Variants in SPATA13 observed in about 807,000 individuals in gnomAD.
SPATA13 encodes spermatogenesis associated 13, also known as spermatogenesis-associated protein 13.
In SPATA13, 50 loss-of-function variants were observed where a neutral mutation model predicts 104.0. The ratio of observed to expected loss-of-function variants is 0.48; its 90% CI spans 0.38 to 0.61. The LOEUF (loss-of-function observed/expected upper bound fraction) is 0.61, where lower values mean the gene tolerates loss of function less well. Among genes scored for constraint, SPATA13 ranks in the 20% least tolerant of loss-of-function variants. SPATA13 has a pLI of 0.00. For missense variants in SPATA13, 1,524 were observed against 1,690.6 expected (o/e 0.90, Z 1.73); for synonymous variants, 606 against 667.5 (o/e 0.91, Z 1.42).
chr13:24,165,550 TCTC>T (rs1244401008), intron 1 of SPATA13, among the ~76,000 whole-genome samples: 2 of 151,958 alleles, frequency 1.3e-5, no homozygotes, highest in South Asian at 2.1e-4. Context: ...CCTGCCCTCT[TCTC>T]CTCTCTCAGC....
rs185058200 is a variant in SPATA13, at chr13:24,121,987, T to G, written c.-111-100832T>G. On this transcript the variant is annotated intron_variant, in intron 3 of 14. Transcript: ENST00000424834. Reference sequence around the variant, plus strand: ...CATCATTAGTTTAGAGTAGATAACATGAACCACTTCTGGAACCACTGCTAG... The same window carrying G: ...CATCATTAGTTTAGAGTAGATAACAGGAACCACTTCTGGAACCACTGCTAG... 8,483 of 987,846 alleles carry G rather than the reference T, an allele frequency of 8.6e-3. 63 individuals carry two copies. Among genetic ancestry groups the G allele is most frequent in the Middle Eastern group, 0.018 (56 of 3,196 alleles). 61.2% of individuals were successfully genotyped at this position (987,846 alleles called of 1,614,324 possible). A position where few individuals can be genotyped will look rare whatever the true frequency, so the allele number is the denominator to read the frequency against.
intron 2 of SPATA13, among the ~76,000 whole-genome samples, chr13:24,235,952 A>G (rs1020541915): frequency 6.6e-6 from 1 of 152,224 alleles, no homozygotes; most frequent in African/African-American, 2.4e-5. Flanking sequence ...CCATCATGCA[A>G]CACTGTTGCA....
At chr13:24,285,098 C>T (rs899139046) in intron 5 of SPATA13, among the ~76,000 whole-genome samples, 7 of 152,038 alleles carry the variant, frequency 4.6e-5, no homozygotes, top group Non-Finnish European at 5.9e-5. Context: ...AGTGAGTCAG[C>T]GTCTTTACTG....
chr13:24,195,352 G>A (rs1392102198), intron 1 of SPATA13, among the ~76,000 whole-genome samples: 1 of 152,080 alleles, frequency 6.6e-6, no homozygotes, highest in Non-Finnish European at 1.5e-5. Flanking sequence ...TCCGTGCATC[G>A]GTTGATGGGT....
At chr13:24,034,338 CT>C (rs1877601024) in intron 3 of SPATA13, 1 of 152,170 alleles carries the variant, frequency 6.6e-6, no homozygotes, top group Non-Finnish European at 1.5e-5. Flanking sequence ...TTAATAATCC[CT>C]TGTGCTCTGG....
intron 4 of SPATA13, among the ~76,000 whole-genome samples, chr13:24,280,258 C>T (rs992397728): frequency 2.6e-5 from 4 of 152,198 alleles, no homozygotes; most frequent in Non-Finnish European, 4.4e-5. Context: ...AGGTTTTTCT[C>T]CTGGTACCTC....
intron 3 of SPATA13, among the ~76,000 whole-genome samples, chr13:24,095,430 G>A (rs1215791295): frequency 1.3e-5 from 2 of 152,054 alleles, no homozygotes; most frequent in African/African-American, 4.8e-5. Context: ...GCAGAATAGG[G>A]GAGTTAAATT....
intron 3 of SPATA13, among the ~76,000 whole-genome samples, chr13:24,119,679 C>T (rs376504998): frequency 3.9e-5 from 6 of 152,312 alleles, no homozygotes; most frequent in African/African-American, 1.4e-4. Flanking sequence ...TGTCTTCTAA[C>T]TTAGCAAAAG....
At chr13:24,083,661 G>A (rs1879619461) in intron 3 of SPATA13, among the ~76,000 whole-genome samples, 1 of 152,172 alleles carries the variant, frequency 6.6e-6, no homozygotes, top group Admixed American at 6.5e-5. Flanking sequence ...GGATTAAAAG[G>A]TTACTTTCTT....
At chr13:24,076,318 G>T (rs1025284645) in intron 3 of SPATA13, among the ~76,000 whole-genome samples, 1 of 152,096 alleles carries the variant, frequency 6.6e-6, no homozygotes, top group African/African-American at 2.4e-5. Flanking sequence ...TTATAGCCCC[G>T]TGCCTGGCAG....
chr13:24,282,201 C>T (rs558087639), intron 4 of SPATA13, among the ~76,000 whole-genome samples: 2 of 152,104 alleles, frequency 1.3e-5, no homozygotes, highest in South Asian at 2.1e-4. Flanking sequence ...GTGTGTCTGC[C>T]GAGCACCTGG....
intron 3 of SPATA13, among the ~76,000 whole-genome samples, chr13:24,101,438 C>T (rs572516122): frequency 3.9e-5 from 6 of 151,944 alleles, no homozygotes; most frequent in Non-Finnish European, 8.8e-5. Context: ...TTTCTTGTAA[C>T]CCATTTAATA....
intron 2 of SPATA13, among the ~76,000 whole-genome samples, chr13:24,234,750 C>A (rs1487633522): frequency 1.3e-5 from 2 of 152,162 alleles, no homozygotes; most frequent in East Asian, 3.8e-4. Flanking sequence ...GAGGATATAG[C>A]ACTCACAGCT....
intron 3 of SPATA13, among the ~76,000 whole-genome samples, chr13:24,026,768 G>A (rs542134449): frequency 3.6e-4 from 55 of 151,958 alleles, no homozygotes; most frequent in South Asian, 1.0e-3. Flanking sequence ...TAGTGGAGAC[G>A]GGTTTTCACC....
At chr13:24,180,090 G>C (rs952456435) in intron 1 of SPATA13, among the ~76,000 whole-genome samples, 4 of 152,128 alleles carry the variant, frequency 2.6e-5, no homozygotes, top group African/African-American at 9.7e-5. Context: ...CTAATCCAAG[G>C]CCGTGAAGAT....
At chr13:24,059,616 A>C (rs1878705627) in intron 3 of SPATA13, among the ~76,000 whole-genome samples, 1 of 152,160 alleles carries the variant, frequency 6.6e-6, no homozygotes, top group South Asian at 2.1e-4. Flanking sequence ...TATCTCATTT[A>C]ATCCTGTCAT....
At chr13:24,132,318 T>C (rs542682255) in intron 3 of SPATA13, among the ~76,000 whole-genome samples, 1 of 152,360 alleles carries the variant, frequency 6.6e-6, no homozygotes, top group South Asian at 2.1e-4. Context: ...TCTATTCAGT[T>C]GAGCCATCAT....
At chr13:24,192,005 A>C (rs1202736051) in intron 1 of SPATA13, among the ~76,000 whole-genome samples, 5 of 152,244 alleles carry the variant, frequency 3.3e-5, no homozygotes, top group African/African-American at 1.2e-4. Flanking sequence ...AGAAAAATAC[A>C]CGGCAAAGTG....
chr13:24,068,370 T>C (rs573818024), intron 3 of SPATA13, among the ~76,000 whole-genome samples: 39 of 152,362 alleles, frequency 2.6e-4, no homozygotes, highest in African/African-American at 8.7e-4. Flanking sequence ...TGTACCATAC[T>C]TTTTTTATCC....
Sources: allele counts gnomAD v4.1 joint callset (sites outside exome capture counted in the v4.1 genomes callset), GRCh38; gene constraint gnomAD v4.1.1; transcripts MANE v1.5; gene names NCBI Gene and HGNC (gene_info 2026-07-23, HGNC 2026-07-21).